The following NTM variants were observed in gnomAD, a reference collection of about 807,000 sequenced individuals.
NTM encodes neurotrimin, also known as IgLON family member 2.
NTM carries 13 observed loss-of-function variants against 42.1 expected under a neutral mutation model. That is an observed-to-expected ratio of 0.31 (90% confidence interval 0.20 to 0.49). The LOEUF is 0.49. NTM is among the 20% of genes least tolerant of loss of function. The pLI is 0.99. For missense variants in NTM, 373 were observed against 452.8 expected (o/e 0.82, Z 1.60); for synonymous variants, 187 against 179.2 (o/e 1.04, Z -0.35).
intron 1 of NTM, among the ~76,000 whole-genome samples, chr11:131,630,452 G>T (rs371267382): frequency 4.8e-5 from 2 of 41,874 alleles, no homozygotes; most frequent in Non-Finnish European, 1.1e-4. Context: ...TGTGTTCTCA[G>T]TGTTTCTTTT....
Position 131,583,693 on chromosome 11 carries a change from C to A in NTM, c.82+212805C>A, listed in dbSNP as rs1255581715. On this transcript the variant is annotated intron_variant, in intron 1 of 8. Coordinates refer to ENST00000683400, the MANE Select transcript of NTM (RefSeq NM_001352005.2). ...ACTCAAAGGGAGAGGGAGGCTGAATCCTGCCTCACATCACACAACGAATTG... is the reference window on the plus strand; with the variant it reads ...ACTCAAAGGGAGAGGGAGGCTGAATACTGCCTCACATCACACAACGAATTG... Among the ~76,000 whole-genome samples the A allele has an allele frequency of 2.0e-5, 3 of 152,300 alleles. No individual in the cohort carries two copies. In the East Asian group the frequency reaches 5.8e-4, roughly 29 times the overall value.
In NTM at chr11:131,988,023, G is replaced by T. The variant is rs144569113; in HGVS notation, c.167+76375G>T. Among the ~76,000 whole-genome samples the T allele has an allele frequency of 3.3e-5, 5 of 152,328 alleles. No individual in the cohort carries two copies. In the East Asian group the frequency reaches 9.7e-4, roughly 29 times the overall value. ...AAACAACAAACATTTATTCCTCACA[G>T]TCTGGAGGCTGGGAAGTCCAATATC... On this transcript the variant is annotated intron_variant, in intron 2 of 8. Transcript: ENST00000683400.
intron 4 of NTM, among the ~76,000 whole-genome samples, chr11:132,242,476 A>G (rs1168223395): frequency 6.6e-6 from 1 of 152,206 alleles, no homozygotes; most frequent in Non-Finnish European, 1.5e-5. Flanking sequence ...AATAGCAAAG[A>G]AAGAAGAGGT....
chr11:131,648,727 A>G (rs1446244561), intron 1 of NTM, among the ~76,000 whole-genome samples: 4 of 152,216 alleles, frequency 2.6e-5, no homozygotes, highest in African/African-American at 9.6e-5. Context: ...TATTCATACT[A>G]TGAAAAAAGA....
intron 1 of NTM, among the ~76,000 whole-genome samples, chr11:131,495,464 G>C (rs1357939734): frequency 2.0e-5 from 3 of 152,248 alleles, no homozygotes; most frequent in Admixed American, 2.0e-4. Flanking sequence ...TGCTGCGGTG[G>C]GGCTTGCTTT....
At chr11:132,159,221 C>T (rs2073832470) in intron 3 of NTM, among the ~76,000 whole-genome samples, 1 of 152,146 alleles carries the variant, frequency 6.6e-6, no homozygotes, top group Admixed American at 6.5e-5. Context: ...GGCTTTAGAG[C>T]AGCCGATCCA....
rs142817071 is a variant in NTM at position 132,282,976 on chromosome 11, CTTT to C, written c.527-24690_527-24688del. Among the ~76,000 whole-genome samples, 643 of 108,984 alleles carry C rather than the reference CTTT, an allele frequency of 5.9e-3. 2 individuals are homozygous for C. The highest frequency in any genetic ancestry group is 0.018 in the African/African-American group (514 of 28,740). The allele number at this position is 108,984 out of a possible 152,430, so 71.5% of individuals were successfully genotyped here. On this transcript the variant is annotated intron_variant, in intron 4 of 8. Coordinates refer to ENST00000683400, the MANE Select transcript of NTM (RefSeq NM_001352005.2). ...AATGAAACGGGAAATTCCTTTATTC[CTTT>C]TTTTTTTTTTTTTTTTTTTTTTATT...
At chr11:131,381,143 C>T (rs1375899374) in intron 1 of NTM, among the ~76,000 whole-genome samples, 1 of 152,150 alleles carries the variant, frequency 6.6e-6, no homozygotes, top group East Asian at 1.9e-4. Flanking sequence ...CTACGCTCTA[C>T]ATCTAGGTGA....
intron 2 of NTM, among the ~76,000 whole-genome samples, chr11:131,942,033 T>C (rs1288591184): frequency 6.6e-6 from 1 of 152,198 alleles, no homozygotes; most frequent in Non-Finnish European, 1.5e-5. Context: ...TGATTATCCA[T>C]TTAATGCCAG....
At chr11:131,820,001 T>A (rs112298982) in intron 1 of NTM, among the ~76,000 whole-genome samples, 2,515 of 152,318 alleles carry the variant, frequency 0.017, 75 homozygotes, top group African/African-American at 0.058. Flanking sequence ...GTTCCATTTT[T>A]GAGTGACAAA....
intron 1 of NTM, among the ~76,000 whole-genome samples, chr11:131,856,140 T>TA (rs759578653): frequency 7.7e-4 from 112 of 144,922 alleles, no homozygotes; most frequent in Middle Eastern, 3.4e-3. Flanking sequence ...GTGAGAATCT[T>TA]ACAGCCACGG....
intron 1 of NTM, among the ~76,000 whole-genome samples, chr11:131,552,657 A>T (rs1565631066): frequency 6.6e-6 from 1 of 152,024 alleles, no homozygotes; most frequent in South Asian, 2.1e-4. Context: ...CTACTAAAAA[A>T]AATACAAAAA....
intron 1 of NTM, among the ~76,000 whole-genome samples, chr11:131,469,412 A>G (rs1952209099): frequency 6.6e-6 from 1 of 152,234 alleles, no homozygotes; most frequent in Admixed American, 6.5e-5. Context: ...TATAAATGAG[A>G]AAACCACATT....
chr11:132,136,821 G>T (rs1423845517), intron 2 of NTM, among the ~76,000 whole-genome samples: 2 of 152,136 alleles, frequency 1.3e-5, no homozygotes, highest in Non-Finnish European at 2.9e-5. Context: ...GGATTCTGGG[G>T]TTTGCTGGTT....
chr11:131,550,620 A>G (rs2054539573), intron 1 of NTM, among the ~76,000 whole-genome samples: 1 of 152,104 alleles, frequency 6.6e-6, no homozygotes, highest in Admixed American at 6.5e-5. Context: ...TGCTTCCTGT[A>G]CAGCCTGTGG....
At chr11:131,621,289 T>C (rs1442970541) in intron 1 of NTM, among the ~76,000 whole-genome samples, 1 of 152,168 alleles carries the variant, frequency 6.6e-6, no homozygotes, top group Non-Finnish European at 1.5e-5. Flanking sequence ...AAAAGCCAAA[T>C]GTACTAAGTT....
intron 1 of NTM, among the ~76,000 whole-genome samples, chr11:131,569,111 G>A (rs1444713937): frequency 6.6e-6 from 1 of 151,332 alleles, no homozygotes; most frequent in African/African-American, 2.4e-5. Context: ...CCCCTAATCT[G>A]CTTTCTTTTT....
intron 1 of NTM, among the ~76,000 whole-genome samples, chr11:131,734,183 C>A (rs573337927): frequency 4.4e-4 from 67 of 152,204 alleles, no homozygotes; most frequent in African/African-American, 1.5e-3. Flanking sequence ...TAATTCTACC[C>A]CCTCATCCCC....
chr11:131,680,993 G>A (rs868007970), intron 1 of NTM, among the ~76,000 whole-genome samples: 6 of 33,598 alleles, frequency 1.8e-4, no homozygotes, highest in African/African-American at 4.8e-4. Flanking sequence ...GTGTGTGAGC[G>A]TGTGTGTTTC....
Sources: allele counts gnomAD v4.1 joint callset (sites outside exome capture counted in the v4.1 genomes callset), GRCh38; gene constraint gnomAD v4.1.1; transcripts MANE v1.5; gene names NCBI Gene and HGNC (gene_info 2026-07-23, HGNC 2026-07-21).